SPMAP2L: variants seen among roughly 807,000 people sequenced by gnomAD.
SPMAP2L encodes the protein sperm microtubule associated protein 2-like.
the SPMAP2L span, chr4:56,603,188 T>C: frequency 2.7e-6 from 4 of 1,488,992 alleles, no homozygotes; most frequent in East Asian, 9.9e-5. Flanking sequence ...TTCAGGTTGA[T>C]TTCTTTTTCC....
the SPMAP2L span, chr4:56,559,573 T>A: frequency 8.5e-6 from 12 of 1,417,366 alleles, no homozygotes; most frequent in Non-Finnish European, 1.1e-5. Flanking sequence ...TTTGTTGTTG[T>A]TTTTTGCTTT....
the SPMAP2L span, among the ~76,000 whole-genome samples, chr4:56,609,935 G>C: frequency 1.2e-4 from 19 of 152,242 alleles, no homozygotes; most frequent in African/African-American, 4.1e-4. Flanking sequence ...AACCTGAATA[G>C]GCTGAGAGAG....
At chr4:56,615,284 A>G in the SPMAP2L span, among the ~76,000 whole-genome samples, 3 of 152,244 alleles carry the variant, frequency 2.0e-5, no homozygotes, top group Admixed American at 6.5e-5. Context: ...GAAGGCACAC[A>G]TTACTAAAGA....
the SPMAP2L span, among the ~76,000 whole-genome samples, chr4:56,539,337 C>A: frequency 6.6e-6 from 1 of 152,188 alleles, no homozygotes; most frequent in Non-Finnish European, 1.5e-5. Flanking sequence ...CCACAGCATA[C>A]AAAGTAAAAT....
the SPMAP2L span, among the ~76,000 whole-genome samples, chr4:56,603,917 C>T: frequency 2.0e-5 from 3 of 152,104 alleles, no homozygotes; most frequent in Admixed American, 6.5e-5. Context: ...TTTACTCATG[C>T]CAGAGTCACT....
the SPMAP2L span, chr4:56,575,627 A>G: frequency 6.5e-7 from 1 of 1,535,286 alleles, no homozygotes; most frequent in African/African-American, 1.4e-5. Flanking sequence ...TTCAAAAGAC[A>G]GTGTCTACTA....
the SPMAP2L span, among the ~76,000 whole-genome samples, chr4:56,585,999 T>C: frequency 7.2e-5 from 11 of 152,272 alleles, no homozygotes; most frequent in South Asian, 2.3e-3. Flanking sequence ...AAAACAACAA[T>C]GATTTTATTA....
the SPMAP2L span, among the ~76,000 whole-genome samples, chr4:56,566,477 A>C: frequency 6.6e-6 from 1 of 152,112 alleles, no homozygotes; most frequent in Admixed American, 6.5e-5. Context: ...GATTACAGGC[A>C]TGAGCCACTG....
chr4:56,591,630 G>A, the SPMAP2L span, among the ~76,000 whole-genome samples: 1 of 152,074 alleles, frequency 6.6e-6, no homozygotes, highest in Non-Finnish European at 1.5e-5. Flanking sequence ...AGCACAGGAA[G>A]GAATTTTAAC....
the SPMAP2L span, among the ~76,000 whole-genome samples, chr4:56,591,366 C>G: frequency 6.6e-6 from 1 of 152,204 alleles, no homozygotes; most frequent in African/African-American, 2.4e-5. Context: ...CAAGACCTCA[C>G]TTTACAAATT....
the SPMAP2L span, among the ~76,000 whole-genome samples, chr4:56,614,205 G>A: frequency 6.6e-6 from 1 of 152,200 alleles, no homozygotes; most frequent in Non-Finnish European, 1.5e-5. Flanking sequence ...GAAAGTTGAT[G>A]AGACTAGTGG....
the SPMAP2L span, among the ~76,000 whole-genome samples, chr4:56,533,661 C>T: frequency 1.3e-5 from 2 of 151,686 alleles, no homozygotes; most frequent in Non-Finnish European, 2.9e-5. Flanking sequence ...CAAACATGTG[C>T]AATGGACCGG....
chr4:56,571,985 A>G, the SPMAP2L span, among the ~76,000 whole-genome samples: 1 of 152,190 alleles, frequency 6.6e-6, no homozygotes, highest in East Asian at 1.9e-4. Flanking sequence ...TCCTATGATA[A>G]AAGGCCTTTT....
At chr4:56,556,900 T>G in the SPMAP2L span, among the ~76,000 whole-genome samples, 1 of 151,394 alleles carries the variant, frequency 6.6e-6, no homozygotes, top group Non-Finnish European at 1.5e-5. Flanking sequence ...ATAATAATAT[T>G]GAAGATATTG....
chr4:56,593,145 C>T, the SPMAP2L span: 2 of 1,572,956 alleles, frequency 1.3e-6, no homozygotes, highest in Admixed American at 1.7e-5. Context: ...CAGTATACTC[C>T]ATACCAGCCT....
chr4:56,610,171 G>C, the SPMAP2L span, among the ~76,000 whole-genome samples: 1 of 152,132 alleles, frequency 6.6e-6, no homozygotes, highest in Non-Finnish European at 1.5e-5. Context: ...GAGCAAATCT[G>C]GAGGTATCAC....
the SPMAP2L span, among the ~76,000 whole-genome samples, chr4:56,572,957 A>G: frequency 6.6e-6 from 1 of 151,598 alleles, no homozygotes; most frequent in Non-Finnish European, 1.5e-5. Flanking sequence ...CAGAGGTTGC[A>G]GTGAGCTGAG....
chr4:56,599,063 G>A, the SPMAP2L span, among the ~76,000 whole-genome samples: 2 of 152,052 alleles, frequency 1.3e-5, no homozygotes, highest in Admixed American at 6.6e-5. Flanking sequence ...CAATGGAACT[G>A]TGATTCCATT....
At chr4:56,575,503 A>G in the SPMAP2L span, 2 of 1,534,206 alleles carry the variant, frequency 1.3e-6, no homozygotes, top group African/African-American at 1.4e-5. Flanking sequence ...TACAACTTGC[A>G]GGGCTCAATA....
Sources: gnomAD v4.1 joint callset for allele counts (sites outside exome capture counted in the v4.1 genomes callset) on GRCh38, gnomAD v4.1.1 for gene constraint, MANE v1.5 for transcripts, NCBI Gene and HGNC (gene_info 2026-07-23, HGNC 2026-07-21) for gene names.